PDXDC1: variants seen among roughly 807,000 people sequenced by gnomAD.
PDXDC1 encodes pyridoxal-dependent decarboxylase domain-containing protein 1.
PDXDC1 carries 42 observed loss-of-function variants against 100.1 expected under a neutral mutation model. The ratio of observed to expected loss-of-function variants is 0.42; its 90% CI spans 0.33 to 0.54. PDXDC1 has a LOEUF of 0.54. Among genes scored for constraint, PDXDC1 ranks in the 20% least tolerant of loss-of-function variants. The pLI is 0.10. For missense variants in PDXDC1, 636 were observed against 979.2 expected, an observed-to-expected ratio of 0.65 and a Z score of 4.68; for synonymous variants, 260 against 371.7, an observed-to-expected ratio of 0.70 and a Z score of 3.46.
At chr16:15,145,297 G>A in the PDXDC1 span, among the ~76,000 whole-genome samples, 1 of 152,362 alleles carries the variant, frequency 6.6e-6, no homozygotes, top group African/African-American at 2.4e-5. Context: ...CCACTCGGCT[G>A]TGGGCACAGC....
At chr16:14,992,069 T>C (rs1597350073) in intron 1 of PDXDC1, among the ~76,000 whole-genome samples, 1 of 152,396 alleles carries the variant, frequency 6.6e-6, no homozygotes, top group African/African-American at 2.4e-5. Context: ...ACATTTATAC[T>C]GGAAAGCACA....
At position 14,989,155 on chromosome 16, in the gene PDXDC1, G is replaced by A; in HGVS notation, c.22-8598G>A. The A allele has an allele frequency of 1.9e-6, 3 of 1,614,222 alleles. No homozygotes were observed. In the South Asian group the frequency reaches 3.3e-5, roughly 18 times the overall value. ...GGGCTGAAGAGCTGAGCCCAGAGGA[G>A]CTGGTGGTCTTGAAGCAGCTCCGCC... On this transcript the variant is annotated intron_variant, in intron 1 of 22. Transcript: ENST00000396410.
intron 16 of PDXDC1, among the ~76,000 whole-genome samples, chr16:15,093,021 T>G (rs2046198826): frequency 1.3e-5 from 2 of 152,180 alleles, no homozygotes; most frequent in Non-Finnish European, 2.9e-5. Context: ...TTTTTTTTTT[T>G]GAGATGGAGT....
intron 16 of PDXDC1, among the ~76,000 whole-genome samples, chr16:15,099,094 T>C (rs1263194448): frequency 1.3e-5 from 2 of 152,030 alleles, no homozygotes; most frequent in Non-Finnish European, 1.5e-5. Context: ...TGCCAAGTTT[T>C]TAAAAAGATT....
intron 16 of PDXDC1, among the ~76,000 whole-genome samples, chr16:15,030,659 C>T (rs995825062): frequency 1.3e-4 from 19 of 151,120 alleles, no homozygotes; most frequent in Non-Finnish European, 2.7e-4. Context: ...TCATGGCTCA[C>T]TGCAGCCTTG....
intron 16 of PDXDC1, among the ~76,000 whole-genome samples, chr16:15,065,816 G>A (rs2044945881): frequency 6.6e-6 from 1 of 152,302 alleles, no homozygotes; most frequent in Non-Finnish European, 1.5e-5. Flanking sequence ...GGTTGGTGAA[G>A]AGACTTGCTG....
At chr16:15,058,210 A>G (rs2044592007) in intron 16 of PDXDC1, among the ~76,000 whole-genome samples, 2 of 151,658 alleles carry the variant, frequency 1.3e-5, no homozygotes, top group African/African-American at 2.4e-5. Context: ...GGGAGGATCA[A>G]TCAAGCCCTA....
intron 16 of PDXDC1, among the ~76,000 whole-genome samples, chr16:15,109,478 G>A (rs932458616): frequency 6.8e-6 from 1 of 147,884 alleles, no homozygotes; most frequent in Non-Finnish European, 1.5e-5. Context: ...CCAATATGGT[G>A]AAACCCCGCC....
chr16:15,094,399 G>A, intron 16 of PDXDC1: 2 of 649,946 alleles, frequency 3.1e-6, no homozygotes, highest in Non-Finnish European at 5.4e-6. Flanking sequence ...GCTGAAACCC[G>A]CTCCTCGTTC....
intron 16 of PDXDC1, chr16:15,044,352 GT>G (rs1428751091): frequency 6.2e-7 from 1 of 1,612,140 alleles, no homozygotes; most frequent in Non-Finnish European, 8.5e-7. Flanking sequence ...TGATGAGTGA[GT>G]TTTTGTGACA....
intron 16 of PDXDC1, among the ~76,000 whole-genome samples, chr16:15,097,787 A>G (rs983113484): frequency 2.0e-5 from 3 of 152,146 alleles, no homozygotes; most frequent in Non-Finnish European, 2.9e-5. Flanking sequence ...AATAGTCACC[A>G]TCATGATTTT....
intron 1 of PDXDC1, among the ~76,000 whole-genome samples, chr16:14,991,752 A>G (rs1160040868): frequency 6.6e-6 from 1 of 151,976 alleles, no homozygotes; most frequent in Non-Finnish European, 1.5e-5. Context: ...AAACTCCCGG[A>G]CTCAACTGAT....
intron 16 of PDXDC1, among the ~76,000 whole-genome samples, chr16:15,056,926 G>A (rs2044545785): frequency 6.6e-6 from 1 of 152,204 alleles, no homozygotes; most frequent in Non-Finnish European, 1.5e-5. Flanking sequence ...CGTGGGGGAA[G>A]GATTTGCGGA....
chr16:15,124,500 G>T (rs1484364152), intron 16 of PDXDC1, among the ~76,000 whole-genome samples: 7 of 151,930 alleles, frequency 4.6e-5, no homozygotes, highest in Non-Finnish European at 8.8e-5. Flanking sequence ...AGGGGCTGGG[G>T]GTGGTGGCTC....
Position 15,064,725 on chromosome 16 carries a change from G to A in PDXDC1, c.1399+34669G>A, listed in dbSNP as rs375166593. On this transcript the variant is annotated intron_variant, in intron 16 of 16. Coordinates refer to the PDXDC1 transcript ENST00000535621. ...CCACTCTGGGGTGCCTGCGCCACTC[G>A]GCAAGTCCTGCTAGGCATCCTCTAC... Among the ~76,000 whole-genome samples the A allele has an allele frequency of 4.6e-5, 7 of 152,350 alleles. No homozygotes were observed. The East Asian group carries it at 5.8e-4, about 13-fold the overall frequency.
intron 16 of PDXDC1, among the ~76,000 whole-genome samples, chr16:15,102,088 C>T (rs2151849456): frequency 6.6e-6 from 1 of 152,266 alleles, no homozygotes; most frequent in Non-Finnish European, 1.5e-5. Flanking sequence ...CCTTGTGATC[C>T]ACCTGCCTCG....
intron 3 of PDXDC1, among the ~76,000 whole-genome samples, chr16:15,000,292 C>G (rs1367567349): frequency 6.6e-6 from 1 of 152,276 alleles, no homozygotes; most frequent in Non-Finnish European, 1.5e-5. Context: ...AGTAACATGC[C>G]AGGCACAGCT....
Position 15,037,743 on chromosome 16 carries a change from TAGCTGCCGATAGACCAGTG to T in PDXDC1, c.*1471_*1489del, listed in dbSNP as rs1304531158. 2 of 282,484 alleles carry T rather than the reference TAGCTGCCGATAGACCAGTG, an allele frequency of 7.1e-6. No individual in the cohort carries two copies. Among genetic ancestry groups the T allele is most frequent in the Non-Finnish European group, 1.3e-5 (2 of 153,866 alleles). 17.5% of individuals were successfully genotyped at this position (282,484 alleles called of 1,614,324 possible). On this transcript the variant is annotated 3_prime_UTR_variant, in exon 23 of 23. Transcript: ENST00000396410. ...AAAAGACTTACCCACGTACCTGAAA[TAGCTGCCGATAGACCAGTG>T]AGAGGTAGGTTCTCCTCTGCCCGTT...
chr16:15,128,775 C>G (rs1453328291), intron 16 of PDXDC1, among the ~76,000 whole-genome samples: 1 of 151,956 alleles, frequency 6.6e-6, no homozygotes, highest in African/African-American at 2.4e-5. Flanking sequence ...GCTGTGTCAC[C>G]TCCTCTCCCA....
Sources: gnomAD v4.1 joint callset for allele counts (sites outside exome capture counted in the v4.1 genomes callset) on GRCh38, gnomAD v4.1.1 for gene constraint, MANE v1.5 for transcripts, NCBI Gene and HGNC (gene_info 2026-07-23, HGNC 2026-07-21) for gene names.